The following SNAP25 variants were observed in gnomAD, a reference collection of about 807,000 sequenced individuals.
The protein encoded by SNAP25 is synaptosome associated protein 25.
A neutral mutation model predicts 28.7 loss-of-function variants in SNAP25; 3 were observed. The observed-to-expected ratio is 0.10, with a 90% CI of 0.05 to 0.27. SNAP25 has a LOEUF of 0.27. Ranked by LOEUF, SNAP25 falls within the 10% of genes least tolerant of loss-of-function variation. The pLI is 1.00. For missense variants in SNAP25, 117 were observed against 278.7 expected, an observed-to-expected ratio of 0.42 and a Z score of 4.13; for synonymous variants, 61 against 88.1, an observed-to-expected ratio of 0.69 and a Z score of 1.72.
intron 1 of SNAP25, among the ~76,000 whole-genome samples, chr20:10,247,997 G>T (rs184146209): frequency 1.3e-5 from 2 of 152,342 alleles, no homozygotes; most frequent in East Asian, 3.9e-4. Context: ...ATTTCTCTCT[G>T]TTCCACAGGG....
intron 1 of SNAP25, among the ~76,000 whole-genome samples, chr20:10,234,378 A>G (rs2122689942): frequency 6.6e-6 from 1 of 152,338 alleles, no homozygotes; most frequent in Middle Eastern, 3.4e-3. Flanking sequence ...TTCTTAATCC[A>G]TAAATGGAAC....
At chr20:10,265,714 G>C (rs2063494791) in intron 1 of SNAP25, among the ~76,000 whole-genome samples, 1 of 152,142 alleles carries the variant, frequency 6.6e-6, no homozygotes, top group Admixed American at 6.5e-5. Context: ...CATGTGAATT[G>C]GTGAGGTTAA....
chr20:10,246,656 A>C (rs1440808890), intron 1 of SNAP25, among the ~76,000 whole-genome samples: 1 of 152,068 alleles, frequency 6.6e-6, no homozygotes, highest in East Asian at 1.9e-4. Flanking sequence ...CTTCCCACCA[A>C]ATTGCCACCT....
chr20:10,252,828 G>A (rs2063255622), intron 1 of SNAP25, among the ~76,000 whole-genome samples: 1 of 143,746 alleles, frequency 7.0e-6, no homozygotes, highest in African/African-American at 2.6e-5. Context: ...AGTTGTTCTC[G>A]ACTCAAAGAG....
At chr20:10,264,025 T>C (rs573150512) in intron 1 of SNAP25, among the ~76,000 whole-genome samples, 24 of 152,214 alleles carry the variant, frequency 1.6e-4, no homozygotes, top group African/African-American at 4.1e-4. Flanking sequence ...TAGCCACATT[T>C]GCAAAACAGA....
intron 5 of SNAP25, 51 bp from the exon 6 acceptor site, chr20:10,296,874 A>G: frequency 6.2e-7 from 1 of 1,610,042 alleles, no homozygotes; most frequent in Non-Finnish European, 8.5e-7. Context: ...AATTGTTGAG[A>G]GCTTGCTCCT....
rs574067016 is a variant in SNAP25 at position 10,235,329 on chromosome 20, C to T, written c.-64+16352C>T. Among the ~76,000 whole-genome samples the T allele has an allele frequency of 8.5e-5, 13 of 152,286 alleles. No homozygotes were observed. The South Asian group carries it at 1.9e-3, about 22-fold the overall frequency. On this transcript the variant is annotated intron_variant, in intron 1 of 7. Coordinates refer to ENST00000254976, the MANE Select transcript of SNAP25 (RefSeq NM_130811.4). ...AACTATTAAAATATTTTTAGAAAAA[C>T]CACATTTGTGGTATAATATGTGTTT... is the stretch of plus-strand genomic sequence containing the variant.
At chr20:10,236,378 T>C (rs2062921164) in intron 1 of SNAP25, among the ~76,000 whole-genome samples, 2 of 152,150 alleles carry the variant, frequency 1.3e-5, no homozygotes, top group African/African-American at 4.8e-5. Flanking sequence ...AGTAAACTTT[T>C]CTGGATTCAA....
At chr20:10,297,323 A>C (rs181907833) in intron 6 of SNAP25, among the ~76,000 whole-genome samples, 1 of 152,240 alleles carries the variant, frequency 6.6e-6, no homozygotes, top group African/African-American at 2.4e-5. Flanking sequence ...GGTTCCTTAC[A>C]TGGTGGTAGC....
At chr20:10,266,538 ATGT>A (rs1199128707) in intron 1 of SNAP25, among the ~76,000 whole-genome samples, 1 of 152,204 alleles carries the variant, frequency 6.6e-6, no homozygotes, top group Non-Finnish European at 1.5e-5. Flanking sequence ...CATTAGTTTG[ATGT>A]TGTTGCTGTT....
At chr20:10,234,322 C>A (rs2062879713) in intron 1 of SNAP25, among the ~76,000 whole-genome samples, 1 of 152,102 alleles carries the variant, frequency 6.6e-6, no homozygotes, top group African/African-American at 2.4e-5. Flanking sequence ...ATGACAGAGC[C>A]AGTTCAGGGA....
At chr20:10,267,273 A>G (rs2063521295) in intron 1 of SNAP25, among the ~76,000 whole-genome samples, 3 of 152,216 alleles carry the variant, frequency 2.0e-5, no homozygotes, top group African/African-American at 4.8e-5. Flanking sequence ...CAATAAGTAT[A>G]CTATACCCAG....
At chr20:10,291,662 A>G (rs771070548) in intron 4 of SNAP25, among the ~76,000 whole-genome samples, 3 of 152,196 alleles carry the variant, frequency 2.0e-5, no homozygotes, top group Non-Finnish European at 4.4e-5. Context: ...TGGAAGCACA[A>G]TTTCCACTGT....
At chr20:10,277,078 C>T (rs1187681000) in intron 2 of SNAP25, among the ~76,000 whole-genome samples, 1 of 152,178 alleles carries the variant, frequency 6.6e-6, no homozygotes, top group African/African-American at 2.4e-5. Flanking sequence ...ACGCAGTGCC[C>T]GGGGGACCAT....
At chr20:10,269,796 A>G (rs2063561275) in intron 1 of SNAP25, among the ~76,000 whole-genome samples, 1 of 152,230 alleles carries the variant, frequency 6.6e-6, no homozygotes, top group Non-Finnish European at 1.5e-5. Context: ...TAATTTTCAC[A>G]TGTCACAAAA....
intron 1 of SNAP25, among the ~76,000 whole-genome samples, chr20:10,273,660 G>T (rs1177323629): frequency 1.3e-5 from 2 of 152,190 alleles, no homozygotes; most frequent in Non-Finnish European, 2.9e-5. Flanking sequence ...ACCACTCATG[G>T]ACTGTCTCTA....
At chr20:10,288,448 T>A (rs2063928479) in intron 4 of SNAP25, among the ~76,000 whole-genome samples, 1 of 152,190 alleles carries the variant, frequency 6.6e-6, no homozygotes, top group South Asian at 2.1e-4. Context: ...CATTGTACTT[T>A]GATGAAGAAA....
chr20:10,289,202 T>G (rs966297115), intron 4 of SNAP25, among the ~76,000 whole-genome samples: 4 of 152,196 alleles, frequency 2.6e-5, no homozygotes, highest in Non-Finnish European at 5.9e-5. Flanking sequence ...CAAGGAGCAC[T>G]GAGCATGACA....
At chr20:10,270,821 T>C (rs2063580832) in intron 1 of SNAP25, among the ~76,000 whole-genome samples, 1 of 152,208 alleles carries the variant, frequency 6.6e-6, no homozygotes, top group African/African-American at 2.4e-5. Context: ...ATTCTGACTC[T>C]GGGGGAAGTT....
Sources: gnomAD v4.1 joint callset for allele counts (sites outside exome capture counted in the v4.1 genomes callset) on GRCh38, gnomAD v4.1.1 for gene constraint, MANE v1.5 for transcripts, NCBI Gene and HGNC (gene_info 2026-07-23, HGNC 2026-07-21) for gene names.